Variants in PCYT1A observed in about 807,000 individuals in gnomAD.
PCYT1A encodes the protein phosphate cytidylyltransferase 1A, choline.
Under a neutral mutation model 43.7 loss-of-function variants are expected in PCYT1A, and 25 were observed. The observed-to-expected ratio is 0.57, with a 90% CI of 0.42 to 0.80. PCYT1A has a LOEUF of 0.80. Ranked by LOEUF, PCYT1A falls within the 30% of genes least tolerant of loss-of-function variation. PCYT1A has a pLI of 0.00. For missense variants in PCYT1A, 421 were observed against 474.2 expected, an observed-to-expected ratio of 0.89 and a Z score of 1.04; for synonymous variants, 172 against 170.7, an observed-to-expected ratio of 1.01 and a Z score of -0.06.
At chr3:196,264,133 G>T (rs1043722825) in intron 2 of PCYT1A, among the ~76,000 whole-genome samples, 8 of 151,990 alleles carry the variant, frequency 5.3e-5, no homozygotes, top group African/African-American at 1.9e-4. Context: ...ATCTCAATGG[G>T]AAGTACCCCA....
rs12632779 is a variant in PCYT1A, at chr3:196,282,228, T to A, written c.-11+5387A>T. Among the ~76,000 whole-genome samples, 35,878 of 152,138 alleles carry A rather than the reference T, an allele frequency of 0.24. 5,853 individuals carry two copies. The highest frequency in any genetic ancestry group is 0.76 in the East Asian group (3,942 of 5,162). On this transcript the variant is annotated intron_variant, in intron 1 of 8. Coordinates refer to ENST00000431016, the MANE Select transcript of PCYT1A (RefSeq NM_001312673.2). This position sits in a 1 kb window ranked among gnomAD's most constrained non-coding sequence, Gnocchi z 4.3. ...AGCCACTGGCACACATAATAAAGCT[T>A]ATACTTCTTCGGCCTGGACATGTAG... is the stretch of plus-strand genomic sequence containing the variant.
At chr3:196,265,738 C>T (rs1179122967) in intron 2 of PCYT1A, among the ~76,000 whole-genome samples, 1 of 151,854 alleles carries the variant, frequency 6.6e-6, no homozygotes, top group Non-Finnish European at 1.5e-5. Context: ...GTCCCCCTAC[C>T]CTTTTTTTTT....
At chr3:196,267,652 G>A (rs1322845911) in intron 2 of PCYT1A, among the ~76,000 whole-genome samples, 1 of 151,974 alleles carries the variant, frequency 6.6e-6, no homozygotes, top group Non-Finnish European at 1.5e-5. Context: ...AGAAAGTTGA[G>A]GCTGCAGTGA....
At chr3:196,257,687 T>C (rs1053280269) in intron 3 of PCYT1A, 101 bp downstream of exon 3, 6 of 717,064 alleles carry the variant, frequency 8.4e-6, no homozygotes, top group Non-Finnish European at 1.2e-5. Flanking sequence ...CCTTTGCAAG[T>C]AAACAGAGGG....
Position 196,234,877 on chromosome 3 carries a change from A to C in PCYT1A, c.*3811T>G, listed in dbSNP as rs1724120337. ...ATGGCAGTCTATTCTATGAGAGAAA[A>C]CAAGAACAATCATTGTTATGACTTT... is the stretch of plus-strand genomic sequence containing the variant. On this transcript the variant is annotated 3_prime_UTR_variant, in exon 9 of 9. Transcript: ENST00000431016. 6.6e-6 allele frequency: 1 copy of C among 152,258 alleles called. No homozygotes were observed. The highest frequency in any genetic ancestry group is 2.4e-5 in the African/African-American group (1 of 41,466). The allele number at this position is 152,258 out of a possible 1,614,324, so 9.4% of individuals were successfully genotyped here.
chr3:196,283,859 T>G (rs1181754618), intron 1 of PCYT1A, among the ~76,000 whole-genome samples: 1 of 152,184 alleles, frequency 6.6e-6, no homozygotes, highest in East Asian at 1.9e-4. Context: ...CTTTTTCTAA[T>G]ATGCTTGATG....
At position 196,236,231 on chromosome 3, in the gene PCYT1A, G is replaced by C. The variant is rs921317207; in HGVS notation, c.*2457C>G. 1.3e-5 allele frequency: 2 copies of C among 152,322 alleles called. No individual in the cohort carries two copies. Among genetic ancestry groups the C allele is most frequent in the South Asian group, 4.1e-4 (2 of 4,830 alleles). The allele number at this position is 152,322 out of a possible 1,614,324, so 9.4% of individuals were successfully genotyped here. A position where few individuals can be genotyped will look rare whatever the true frequency, so the allele number is the denominator to read the frequency against. On this transcript the variant is annotated 3_prime_UTR_variant, in exon 9 of 9. Transcript: ENST00000431016. Reference sequence around the variant, plus strand: ...AATAGGGAGGGAGGAGGAAAACCACGTTCCGGGCATCTCCCTGTCTATCCA... The same window carrying C: ...AATAGGGAGGGAGGAGGAAAACCACCTTCCGGGCATCTCCCTGTCTATCCA...
At chr3:196,241,827 T>C in intron 7 of PCYT1A, 121 bp downstream of exon 7, 1 of 1,264,818 alleles carries the variant, frequency 7.9e-7, no homozygotes, top group Non-Finnish European at 1.1e-6. Context: ...TGGTAATTCA[T>C]TCACTGAACT....
intron 3 of PCYT1A, among the ~76,000 whole-genome samples, chr3:196,251,129 A>G (rs938240304): frequency 6.6e-6 from 1 of 151,258 alleles, no homozygotes; most frequent in African/African-American, 2.4e-5. Flanking sequence ...CACCATGCTG[A>G]GGCTGAGGAC....
At chr3:196,266,876 CA>C (rs112932478) in intron 2 of PCYT1A, among the ~76,000 whole-genome samples, 13 of 144,052 alleles carry the variant, frequency 9.0e-5, no homozygotes, top group African/African-American at 1.3e-4. Flanking sequence ...GACTCTGTCT[CA>C]AAAAAAAAAA....
At chr3:196,239,942 G>A (rs1323927381) in intron 7 of PCYT1A, 4 of 522,116 alleles carry the variant, frequency 7.7e-6, no homozygotes, top group Non-Finnish European at 1.4e-5. Context: ...CTAATATTGT[G>A]GGCATTTGGG....
chr3:196,263,870 G>A lies in PCYT1A; in HGVS notation c.118-5983C>T, dbSNP rs113001998. 7.0e-3 allele frequency among the ~76,000 whole-genome samples: 1,069 copies of A among 152,066 alleles called. 10 individuals carry two copies. The highest frequency in any genetic ancestry group is 9.8e-3 in the Non-Finnish European group (665 of 67,968). ...GATGGTCTCGATCACTTGACCTCGT[G>A]ATCCACCCTCCTCGGCCTCCCAAAG... is the stretch of plus-strand genomic sequence containing the variant. On this transcript the variant is annotated intron_variant, in intron 2 of 8. Transcript: ENST00000431016.
At chr3:196,260,911 G>A (rs749603309) in intron 2 of PCYT1A, among the ~76,000 whole-genome samples, 6 of 152,056 alleles carry the variant, frequency 3.9e-5, no homozygotes, top group Non-Finnish European at 5.9e-5. Context: ...TGCATTACTC[G>A]TAATAGCCAA....
At chr3:196,263,862 G>C (rs1445614207) in intron 2 of PCYT1A, among the ~76,000 whole-genome samples, 1 of 151,956 alleles carries the variant, frequency 6.6e-6, no homozygotes, top group East Asian at 1.9e-4. Context: ...TCGATCACTT[G>C]ACCTCGTGAT....
chr3:196,257,884 A>C lies in PCYT1A; in HGVS notation c.121T>G (p.Leu41Val). 6.2e-7 allele frequency: 1 copy of C among 1,607,788 alleles called. No homozygotes were observed. The highest frequency in any genetic ancestry group is 8.5e-7 in the Non-Finnish European group (1 of 1,174,578). ...PSKVQRCAVG[L>V]RQPAPFSDEI... ...TCAGAAAAAGGAGCTGGTTGCCGTA[A>C]GCCCTTAAGAAATGGAAAGTGAAGG... Residue 41 changes from leucine (L) to valine (V), a missense_variant, in exon 3 of 9, where the codon TTA becomes GTA. Physicochemically the swap from Leu to Val is conservative, Grantham distance 32. Coordinates refer to ENST00000431016, the MANE Select transcript of PCYT1A (RefSeq NM_001312673.2).
At chr3:196,250,891 G>A (rs1222052485) in intron 3 of PCYT1A, among the ~76,000 whole-genome samples, 1 of 151,100 alleles carries the variant, frequency 6.6e-6, no homozygotes, top group African/African-American at 2.4e-5. Context: ...ACACTATGCT[G>A]AGGCTGAGGA....
rs147104695 is a variant in PCYT1A, at chr3:196,252,557, A to C, written c.218-4234T>G. ...TGCCCAGCCCAGGCTGGTTGTATTG[A>C]TTTTATAATACAGGAAATAAAAATT... On this transcript the variant is annotated intron_variant, in intron 3 of 8. Coordinates refer to ENST00000431016, the MANE Select transcript of PCYT1A (RefSeq NM_001312673.2). This position sits in a 1 kb window ranked among gnomAD's most constrained non-coding sequence, Gnocchi z 4.0. 6.6e-6 allele frequency among the ~76,000 whole-genome samples: 1 copy of C among 152,344 alleles called. No homozygotes were observed. Among genetic ancestry groups the C allele is most frequent in the African/African-American group, 2.4e-5 (1 of 41,578 alleles).
chr3:196,280,606 C>T (rs1410255531), intron 1 of PCYT1A, among the ~76,000 whole-genome samples: 1 of 113,942 alleles, frequency 8.8e-6, no homozygotes, highest in Non-Finnish European at 1.7e-5. Context: ...ATTTTCGATC[C>T]AAGTTTGGCT....
chr3:196,243,582 G>C (rs185010960), intron 5 of PCYT1A, among the ~76,000 whole-genome samples: 6 of 151,150 alleles, frequency 4.0e-5, no homozygotes, highest in East Asian at 2.0e-4. Context: ...CTCTGATGCC[G>C]AGCGGAAGCT....
Sources: allele counts gnomAD v4.1 joint callset (sites outside exome capture counted in the v4.1 genomes callset), GRCh38; gene constraint gnomAD v4.1.1; non-coding constraint Gnocchi (gnomAD v3.1); transcripts MANE v1.5; gene names NCBI Gene and HGNC (gene_info 2026-07-23, HGNC 2026-07-21).